Variants in GPHN observed in about 807,000 individuals in gnomAD.
GPHN encodes gephyrin.
GPHN carries 17 observed loss-of-function variants against 95.5 expected under a neutral mutation model. The observed-to-expected ratio is 0.18, with a 90% CI of 0.12 to 0.27. The LOEUF (loss-of-function observed/expected upper bound fraction) is 0.27. Among genes scored for constraint, GPHN ranks in the 10% least tolerant of loss-of-function variants. GPHN has a pLI of 1.00. For synonymous variants in GPHN, 320 were observed against 322.5 expected (o/e 0.99, Z 0.08); for missense variants, 660 against 978.1 (o/e 0.67, Z 4.34).
chr14:67,586,859 G>A, the GPHN span: 4 of 1,508,812 alleles, frequency 2.7e-6, no homozygotes, highest in Middle Eastern at 3.4e-4. Context: ...AGGGCACTGT[G>A]CATCTGAGAG....
intron 11 of GPHN, among the ~76,000 whole-genome samples, chr14:67,078,831 T>C (rs1471025009): frequency 6.6e-6 from 1 of 152,042 alleles, no homozygotes; most frequent in Non-Finnish European, 1.5e-5. Flanking sequence ...GCCCTTACCA[T>C]TTTCCACTTG....
chr14:67,461,003 A>G, the GPHN span, among the ~76,000 whole-genome samples: 2 of 152,208 alleles, frequency 1.3e-5, no homozygotes, highest in Non-Finnish European at 2.9e-5. Context: ...ACTTGTGTGT[A>G]GAGAGGTTAA....
At chr14:67,394,255 G>A in the GPHN span, among the ~76,000 whole-genome samples, 1 of 152,240 alleles carries the variant, frequency 6.6e-6, no homozygotes, top group Admixed American at 6.5e-5. Context: ...TGTATGCTGG[G>A]CACAGTGGCT....
the GPHN span, chr14:67,395,655 G>A: frequency 7.3e-7 from 1 of 1,368,320 alleles, no homozygotes; most frequent in Admixed American, 1.8e-5. Context: ...AAAAATGACG[G>A]GGCCCCGGGA....
the GPHN span, among the ~76,000 whole-genome samples, chr14:67,196,408 G>T: frequency 6.6e-5 from 10 of 151,950 alleles, no homozygotes; most frequent in African/African-American, 2.4e-4. Flanking sequence ...GTAGAGACAG[G>T]ATTTCACGAC....
the GPHN span, chr14:67,586,453 T>A: frequency 7.7e-7 from 1 of 1,295,040 alleles, no homozygotes; most frequent in South Asian, 1.2e-5. Context: ...GATTCCTCTT[T>A]AAGGTGCTCG....
In GPHN at chr14:66,761,212, A is replaced by G. The variant is rs571864070; in HGVS notation, c.144-15252A>G. 5.9e-5 allele frequency among the ~76,000 whole-genome samples: 9 copies of G among 152,370 alleles called. No homozygotes were observed. In the South Asian group the frequency reaches 1.9e-3, roughly 32 times the overall value. ...GCATCTCAGTGCTAAATTTTCACTG[A>G]TAGATATACTTAATGTAAATCATGA... is the stretch of plus-strand genomic sequence containing the variant. On this transcript the variant is annotated intron_variant, in intron 2 of 22. Transcript: ENST00000478722.
At chr14:67,389,760 T>A in the GPHN span, among the ~76,000 whole-genome samples, 1 of 150,706 alleles carries the variant, frequency 6.6e-6, no homozygotes, top group Non-Finnish European at 1.5e-5. Context: ...AATACAAAAC[T>A]AAAGTGTTTT....
chr14:66,801,791 GCCCGCTCCCGCT>G (rs567303785), intron 3 of GPHN, among the ~76,000 whole-genome samples: 1 of 142,612 alleles, frequency 7.0e-6, no homozygotes, highest in African/African-American at 2.7e-5. Context: ...TACCATCTAT[GCCCGCTCCCGCT>G]CCCGCTCCCT....
At chr14:67,212,192 A>G in the GPHN span, among the ~76,000 whole-genome samples, 1 of 152,226 alleles carries the variant, frequency 6.6e-6, no homozygotes, top group Non-Finnish European at 1.5e-5. Context: ...GAAAGTACAT[A>G]GAGGACTTTG....
intron 1 of GPHN, among the ~76,000 whole-genome samples, chr14:66,529,350 A>G (rs978248023): frequency 6.6e-6 from 1 of 151,956 alleles, no homozygotes; most frequent in African/African-American, 2.4e-5. Context: ...TGGTTATTCT[A>G]GTTAGCAATT....
intron 8 of GPHN, among the ~76,000 whole-genome samples, chr14:66,926,389 T>G (rs1196270658): frequency 6.6e-6 from 1 of 152,190 alleles, no homozygotes; most frequent in Non-Finnish European, 1.5e-5. Context: ...TAGATTTAAG[T>G]ATGTAAGTCT....
Position 67,006,321 on chromosome 14 carries a change from AG to A in GPHN, c.964-17309del, listed in dbSNP as rs200528427. Among the ~76,000 whole-genome samples the A allele has an allele frequency of 6.8e-4, 103 of 152,222 alleles. 1 individual carries two copies. The East Asian group carries it at 0.02, about 29-fold the overall frequency. On this transcript the variant is annotated intron_variant, in intron 9 of 22. Transcript: ENST00000478722. ...CTGTCTGCCTCAGGATACCAAAAAA[AG>A]GGTCTATTTTCGAAATTTTGTTCAT...
intron 1 of GPHN, among the ~76,000 whole-genome samples, chr14:66,634,374 A>G (rs367796531): frequency 9.2e-5 from 14 of 152,048 alleles, no homozygotes; most frequent in Admixed American, 7.2e-4. Flanking sequence ...CCTGTAATCA[A>G]CAACTGCAGT....
the GPHN span, chr14:67,593,546 T>C: frequency 1.7e-3 from 969 of 554,082 alleles, 13 homozygotes; most frequent in South Asian, 9.9e-3. Context: ...AGTGATAATT[T>C]TGAAGTTGGT....
chr14:67,584,440 T>A, the GPHN span, among the ~76,000 whole-genome samples: 1 of 152,226 alleles, frequency 6.6e-6, no homozygotes, highest in Non-Finnish European at 1.5e-5. Context: ...GAACAATGTA[T>A]AACCTAAACA....
At chr14:66,933,854 A>T (rs952398393) in intron 8 of GPHN, among the ~76,000 whole-genome samples, 1 of 152,112 alleles carries the variant, frequency 6.6e-6, no homozygotes, top group African/African-American at 2.4e-5. Context: ...TTCACAGTCT[A>T]GGGCCTGGGT....
chr14:67,214,079 G>A, the GPHN span, among the ~76,000 whole-genome samples: 1 of 152,150 alleles, frequency 6.6e-6, no homozygotes, highest in African/African-American at 2.4e-5. Flanking sequence ...TTTGTCAGAT[G>A]AGTAGGTTGC....
the GPHN span, chr14:67,383,200 G>T: frequency 8.5e-7 from 1 of 1,171,064 alleles, no homozygotes; most frequent in Non-Finnish European, 1.2e-6. Context: ...GAACAGATAT[G>T]ACAGAGTTGT....
Sources: allele counts gnomAD v4.1 joint callset (sites outside exome capture counted in the v4.1 genomes callset), GRCh38; gene constraint gnomAD v4.1.1; transcripts MANE v1.5; gene names NCBI Gene and HGNC (gene_info 2026-07-23, HGNC 2026-07-21).